Variants in CALB2 observed in about 807,000 individuals in gnomAD.
The protein encoded by CALB2 is calbindin 2, also known as calretinin.
A neutral mutation model predicts 45.9 loss-of-function variants in CALB2; 34 were observed. The ratio of observed to expected loss-of-function variants is 0.74; its 90% CI spans 0.56 to 0.99. The LOEUF (loss-of-function observed/expected upper bound fraction) is 0.99, where lower values mean the gene tolerates loss of function less well. Among genes scored for constraint, CALB2 ranks in the 50% least tolerant of loss-of-function variants. The probability of loss-of-function intolerance (pLI) is 0.00; values close to 1 mark genes in which losing one functional copy is unlikely to be tolerated. For synonymous variants in CALB2, 142 were observed against 129.6 expected, an observed-to-expected ratio of 1.10 and a Z score of -0.65; for missense variants, 344 against 339.3, an observed-to-expected ratio of 1.01 and a Z score of -0.11.
intron 1 of CALB2, among the ~76,000 whole-genome samples, chr16:71,367,515 G>A (rs913572127): frequency 1.3e-5 from 2 of 152,118 alleles, no homozygotes; most frequent in African/African-American, 4.8e-5. Context: ...AGCAGCGAAG[G>A]CCATTTGCCA....
intron 10 of CALB2, 69 bp downstream of exon 10, chr16:71,385,717 G>T: frequency 7.7e-7 from 1 of 1,296,246 alleles, no homozygotes; most frequent in Non-Finnish European, 1.1e-6. Flanking sequence ...AGGAGAGGAG[G>T]GGAAAGGTGC....
rs747363401 is a variant in CALB2 at position 71,384,799 on chromosome 16, CAGA to C, written c.591_593del (p.Glu199del). 6.3e-7 allele frequency: 1 copy of C among 1,594,810 alleles called. No homozygotes were observed. The highest frequency in any genetic ancestry group is 8.5e-7 in the Non-Finnish European group (1 of 1,170,274). ...TTCTTGCAGGGCATGAAGCTGACCTCAGAGGAGTTTAACGCGATCTTCACATTT... is the reference window on the plus strand; with the variant it reads ...TTCTTGCAGGGCATGAAGCTGACCTCGGAGTTTAACGCGATCTTCACATTT... On this transcript the variant is annotated inframe_deletion, in exon 9 of 11. Coordinates refer to ENST00000302628, the MANE Select transcript of CALB2 (RefSeq NM_001740.5).
intron 5 of CALB2, 97 bp downstream of exon 5, chr16:71,382,872 G>A (rs1004799644): frequency 3.3e-5 from 36 of 1,089,602 alleles, no homozygotes; most frequent in African/African-American, 2.5e-4. Context: ...ATGAGTTTGC[G>A]GGCTGCTTAG....
intron 1 of CALB2, among the ~76,000 whole-genome samples, chr16:71,367,905 G>T (rs569362814): frequency 2.6e-5 from 4 of 152,184 alleles, no homozygotes; most frequent in African/African-American, 9.6e-5. Flanking sequence ...CTCTCCACAG[G>T]GCTGCCCTTC....
intron 1 of CALB2, among the ~76,000 whole-genome samples, chr16:71,364,736 T>C (rs930162766): frequency 6.6e-6 from 1 of 152,198 alleles, no homozygotes; most frequent in Non-Finnish European, 1.5e-5. Flanking sequence ...GAAACATAGA[T>C]TGAAATTCAA....
intron 1 of CALB2, among the ~76,000 whole-genome samples, chr16:71,361,573 G>A (rs1451294837): frequency 2.6e-5 from 4 of 152,080 alleles, no homozygotes; most frequent in East Asian, 1.9e-4. Flanking sequence ...GAGTGGGCTC[G>A]CTGGAGCCCA....
At chr16:71,365,881 C>A (rs956634363) in intron 1 of CALB2, among the ~76,000 whole-genome samples, 2 of 151,940 alleles carry the variant, frequency 1.3e-5, no homozygotes, top group South Asian at 2.1e-4. Flanking sequence ...CCCTTCCCCC[C>A]ATCCATTAAA....
At chr16:71,382,155 A>AGAAGGAAGGAAG (rs1555526542) in intron 4 of CALB2, among the ~76,000 whole-genome samples, 5 of 144,402 alleles carry the variant, frequency 3.5e-5, no homozygotes, top group African/African-American at 1.3e-4. Context: ...AAGGAAGGAA[A>AGAAGGAAGGAAG]GAAAATAAAG....
At chr16:71,366,202 A>T (rs2042285930) in intron 1 of CALB2, among the ~76,000 whole-genome samples, 1 of 145,078 alleles carries the variant, frequency 6.9e-6, no homozygotes. Context: ...AATTTTTTGT[A>T]TTTTTAGTAG....
chr16:71,380,145 G>A (rs2042469473), intron 4 of CALB2, among the ~76,000 whole-genome samples: 1 of 151,992 alleles, frequency 6.6e-6, no homozygotes. Context: ...AGGGATGGTG[G>A]CACCTTGTAG....
chr16:71,383,396 G>C lies in CALB2; in HGVS notation c.429G>C (p.Ala143=), dbSNP rs779128346. The C allele has an allele frequency of 6.2e-7, 1 of 1,613,980 alleles. No individual in the cohort carries two copies. The highest frequency in any genetic ancestry group is 1.3e-5 in the African/African-American group (1 of 74,914). ...TCCTGTCAGACCTGCTGAAGAAGGC[G>C]AACCGGCCGTACGATGAGCCCAAGC... The part of the protein sequence containing the change: ...KGFLSDLLKK[A]NRPYDEPKLQ... Residue 143 remains alanine, a synonymous_variant, in exon 6 of 11, where the codon GCG becomes GCC. Transcript: ENST00000302628.
At chr16:71,382,032 GA>G (rs2042498871) in intron 4 of CALB2, among the ~76,000 whole-genome samples, 1 of 128,202 alleles carries the variant, frequency 7.8e-6, no homozygotes, top group Non-Finnish European at 1.7e-5. Context: ...GGAGGAGGAG[GA>G]GGAGGAGGAG....
intron 3 of CALB2, among the ~76,000 whole-genome samples, chr16:71,375,214 C>T (rs7188404): frequency 0.13 from 20,335 of 152,268 alleles, 1,472 homozygotes; most frequent in South Asian, 0.18. Flanking sequence ...AATTTACACA[C>T]ATATATACAT....
At chr16:71,386,508 A>C (rs939469796) in intron 10 of CALB2, among the ~76,000 whole-genome samples, 2 of 152,124 alleles carry the variant, frequency 1.3e-5, no homozygotes, top group African/African-American at 2.4e-5. Context: ...AAAGAAGTGA[A>C]CTCCATTATT....
intron 4 of CALB2, among the ~76,000 whole-genome samples, chr16:71,382,124 A>AAGGAAGGAAAG (rs1555526523): frequency 5.8e-5 from 2 of 34,372 alleles, no homozygotes; most frequent in African/African-American, 7.0e-5. Flanking sequence ...AAAGGAAGAA[A>AAGGAAGGAAAG]AAGGAAGGAA....
At chr16:71,364,926 G>A (rs2042268317) in intron 1 of CALB2, among the ~76,000 whole-genome samples, 1 of 152,150 alleles carries the variant, frequency 6.6e-6, no homozygotes, top group Non-Finnish European at 1.5e-5. Context: ...TGTCAGCTGT[G>A]GCTGAATCTC....
chr16:71,361,165 C>T (rs974128076), intron 1 of CALB2, among the ~76,000 whole-genome samples: 35 of 152,150 alleles, frequency 2.3e-4, no homozygotes, highest in Non-Finnish European at 4.9e-4. Flanking sequence ...CTTCCTTGTC[C>T]ATCAGACTTC....
At position 71,385,368 on chromosome 16, in the gene CALB2, A is replaced by C. The variant is rs536971198; in HGVS notation, c.628-209A>C. On this transcript the variant is annotated intron_variant, in intron 9 of 10. Transcript: ENST00000302628. ...AACGCACATGAAAAGCACCACAATG[A>C]AAGGCTACCCAAAGCTTGCACCCAC... The C allele has an allele frequency of 5.7e-5, 27 of 477,388 alleles. No individual in the cohort carries two copies. In the South Asian group the frequency reaches 1.2e-3, roughly 21 times the overall value. The allele number at this position is 477,388 out of a possible 1,614,324, so 29.6% of individuals were successfully genotyped here.
At chr16:71,375,346 A>C (rs1468425604) in intron 3 of CALB2, among the ~76,000 whole-genome samples, 1 of 152,196 alleles carries the variant, frequency 6.6e-6, no homozygotes, top group East Asian at 1.9e-4. Context: ...ACACACATAC[A>C]CTCACACATA....
Sources: gnomAD v4.1 joint callset for allele counts (sites outside exome capture counted in the v4.1 genomes callset) on GRCh38, gnomAD v4.1.1 for gene constraint, MANE v1.5 for transcripts, NCBI Gene and HGNC (gene_info 2026-07-23, HGNC 2026-07-21) for gene names.